PITPNC1: variants seen among roughly 807,000 people sequenced by gnomAD.
PITPNC1 encodes the protein phosphatidylinositol transfer protein cytoplasmic 1, also known as cytoplasmic phosphatidylinositol transfer protein 1.
In PITPNC1, 18 loss-of-function variants were observed where a neutral mutation model predicts 44.7. The observed-to-expected ratio is 0.40, with a 90% CI of 0.28 to 0.60. The LOEUF is 0.60. Ranked by LOEUF, PITPNC1 falls within the 20% of genes least tolerant of loss-of-function variation. PITPNC1 has a pLI of 0.39. For missense variants in PITPNC1, 290 were observed against 418.4 expected (o/e 0.69, Z 2.68); for synonymous variants, 141 against 149.6 (o/e 0.94, Z 0.42).
At chr17:67,514,796 AG>A (rs898457936) in intron 1 of PITPNC1, among the ~76,000 whole-genome samples, 1 of 152,144 alleles carries the variant, frequency 6.6e-6, no homozygotes, top group African/African-American at 2.4e-5. Flanking sequence ...ACTGCACTCC[AG>A]CCTGGGTGAC....
At chr17:67,690,039 T>TTA (rs1491543664) in intron 8 of PITPNC1, among the ~76,000 whole-genome samples, 1 of 152,210 alleles carries the variant, frequency 6.6e-6, no homozygotes, top group Non-Finnish European at 1.5e-5. Flanking sequence ...TCATAATGAC[T>TTA]TATATCCTTT....
intron 5 of PITPNC1, among the ~76,000 whole-genome samples, chr17:67,598,688 A>G (rs1430290093): frequency 2.0e-5 from 3 of 152,010 alleles, no homozygotes; most frequent in African/African-American, 4.8e-5. Context: ...TCAGGAGTTC[A>G]TGACCAGCCT....
intron 1 of PITPNC1, among the ~76,000 whole-genome samples, chr17:67,440,584 T>C (rs1174240155): frequency 6.6e-6 from 1 of 151,658 alleles, no homozygotes; most frequent in Non-Finnish European, 1.5e-5. Flanking sequence ...CAGGCTGGAG[T>C]GCAGTGGTGC....
intron 4 of PITPNC1, among the ~76,000 whole-genome samples, chr17:67,577,656 T>C (rs2041168252): frequency 6.6e-6 from 1 of 151,300 alleles, no homozygotes. Context: ...TAAAAATAAA[T>C]TTATGTTTTA....
chr17:67,471,537 A>G (rs1167359467), intron 1 of PITPNC1: 1 of 375,204 alleles, frequency 2.7e-6, no homozygotes, highest in Non-Finnish European at 5.1e-6. Context: ...CATTACTTTC[A>G]ATGGCAAAAA....
chr17:67,452,858 A>G (rs1043021855), intron 1 of PITPNC1, among the ~76,000 whole-genome samples: 1 of 152,046 alleles, frequency 6.6e-6, no homozygotes. Context: ...TAGTTCTTGC[A>G]TTTTTTTACT....
Position 67,675,978 on chromosome 17 carries a change from G to A in PITPNC1, c.682+436G>A, listed in dbSNP as rs571267900. 3.0e-4 allele frequency among the ~76,000 whole-genome samples: 45 copies of A among 152,238 alleles called. No homozygotes were observed. The East Asian group carries it at 8.1e-3, about 27-fold the overall frequency. On this transcript the variant is annotated intron_variant, in intron 8 of 8. Coordinates refer to ENST00000581322, the MANE Select transcript of PITPNC1 (RefSeq NM_012417.4). ...TCCCAGCACTTTGGGAGGCCGAGGCGGGCAGATCACGAGGTCAGGAGATCG... is the reference window on the plus strand; with the variant it reads ...TCCCAGCACTTTGGGAGGCCGAGGCAGGCAGATCACGAGGTCAGGAGATCG...
intron 7 of PITPNC1, among the ~76,000 whole-genome samples, chr17:67,670,750 CAAAAA>C (rs61094990): frequency 1.7e-5 from 1 of 60,506 alleles, no homozygotes; most frequent in Non-Finnish European, 3.3e-5. Flanking sequence ...GACTCCATCT[CAAAAA>C]AAAAAAAAAA....
intron 1 of PITPNC1, among the ~76,000 whole-genome samples, chr17:67,425,089 C>T (rs2038727067): frequency 6.6e-6 from 1 of 151,956 alleles, no homozygotes; most frequent in Non-Finnish European, 1.5e-5. Flanking sequence ...CACCGCCTAT[C>T]CCAAAACCTG....
intron 1 of PITPNC1, among the ~76,000 whole-genome samples, chr17:67,417,405 C>G (rs2038605034): frequency 6.6e-6 from 1 of 152,152 alleles, no homozygotes; most frequent in African/African-American, 2.4e-5. Flanking sequence ...GCTGAGATTA[C>G]AGGTGTGAGC....
At chr17:67,623,109 CA>C (rs1198070826) in intron 5 of PITPNC1, among the ~76,000 whole-genome samples, 3,788 of 85,298 alleles carry the variant, frequency 0.044, 91 homozygotes, top group African/African-American at 0.12. Context: ...TCCCAAAAGC[CA>C]AAAAAAAAAA....
chr17:67,636,249 T>A (rs548222503), intron 6 of PITPNC1, among the ~76,000 whole-genome samples: 2 of 126,138 alleles, frequency 1.6e-5, no homozygotes, highest in South Asian at 5.0e-4. Flanking sequence ...GCTACTGCAC[T>A]CCAGCCCAGG....
chr17:67,448,831 G>C (rs936170597), intron 1 of PITPNC1, among the ~76,000 whole-genome samples: 3 of 152,190 alleles, frequency 2.0e-5, no homozygotes, highest in African/African-American at 7.2e-5. Flanking sequence ...CCAGGCTGGA[G>C]TGCAGTGGCA....
rs748898605 is a variant in PITPNC1 at position 67,425,197 on chromosome 17, G to GCGCGCGCGCA, written c.48+46996_48+46997insGCGCGCGCAC. Among the ~76,000 whole-genome samples, 49 of 98,464 alleles carry GCGCGCGCGCA rather than the reference G, an allele frequency of 5.0e-4. 3 individuals are homozygous for GCGCGCGCGCA. Among genetic ancestry groups the GCGCGCGCGCA allele is most frequent in the East Asian group, 1.5e-3 (3 of 2,004 alleles). The allele number at this position is 98,464 out of a possible 152,430, so 64.6% of individuals were successfully genotyped here. ...AAACAGCCATGTTGTGCGCGCGCAC[G>GCGCGCGCGCA]CACACGCACACACACACACACACAC... On this transcript the variant is annotated intron_variant, in intron 1 of 8. Transcript: ENST00000581322.
chr17:67,625,977 G>T (rs9889714), intron 5 of PITPNC1, among the ~76,000 whole-genome samples: 141,879 of 149,206 alleles, frequency 0.95, 67,358 homozygotes, highest in East Asian at 0.99. Context: ...TTTGTTTGTT[G>T]TTTTTTTTTT....
In PITPNC1 at chr17:67,622,479, A is replaced by G. The variant is rs147964383; in HGVS notation, c.367-9664A>G. ...GATAATGTTCTCAGTGAGATGACCCATAGAGATGGTTTTCATCATTGGTGG... is the reference window on the plus strand; with the variant it reads ...GATAATGTTCTCAGTGAGATGACCCGTAGAGATGGTTTTCATCATTGGTGG... On this transcript the variant is annotated intron_variant, in intron 5 of 8. Transcript: ENST00000581322. Among the ~76,000 whole-genome samples the G allele has an allele frequency of 4.9e-3, 698 of 143,478 alleles. 4 individuals are homozygous for G. The highest frequency in any genetic ancestry group is 7.0e-3 in the Non-Finnish European group (470 of 66,904). The allele number at this position is 143,478 out of a possible 152,430, so 94.1% of individuals were successfully genotyped here. A position where few individuals can be genotyped will look rare whatever the true frequency, so the allele number is the denominator to read the frequency against.
chr17:67,457,691 G>A (rs572652424), intron 1 of PITPNC1: 4 of 152,330 alleles, frequency 2.6e-5, no homozygotes, highest in Admixed American at 6.5e-5. Flanking sequence ...CTGGCTATCT[G>A]GCTGTTCTTT....
At chr17:67,601,622 G>A (rs929798007) in intron 5 of PITPNC1, among the ~76,000 whole-genome samples, 11 of 152,122 alleles carry the variant, frequency 7.2e-5, no homozygotes, top group African/African-American at 2.2e-4. Context: ...AAGCATGGTG[G>A]TGCGTGCCTA....
chr17:67,676,263 TGCAA>T lies in PITPNC1; in HGVS notation c.682+723_682+726del, dbSNP rs1485534844. 6.6e-6 allele frequency among the ~76,000 whole-genome samples: 1 copy of T among 152,010 alleles called. No homozygotes were observed. Among genetic ancestry groups the T allele is most frequent in the Non-Finnish European group, 1.5e-5 (1 of 67,990 alleles). On this transcript the variant is annotated intron_variant, in intron 8 of 8. Transcript: ENST00000581322. This position sits in a 1 kb window ranked among gnomAD's most constrained non-coding sequence, Gnocchi z 4.0. ...CCCCTCAACAAATATATACAGGTTC[TGCAA>T]GAATTTAAGGGCAGACAGAGGCATA... is the stretch of plus-strand genomic sequence containing the variant.
Sources: gnomAD v4.1 joint callset for allele counts (sites outside exome capture counted in the v4.1 genomes callset) on GRCh38, gnomAD v4.1.1 for gene constraint, Gnocchi (gnomAD v3.1) non-coding constraint, MANE v1.5 for transcripts, NCBI Gene and HGNC (gene_info 2026-07-23, HGNC 2026-07-21) for gene names.